Variants in ERI3 observed in about 807,000 individuals in gnomAD.
ERI3 encodes the protein ERI1 exoribonuclease 3.
ERI3 carries 18 observed loss-of-function variants against 44.4 expected under a neutral mutation model. The observed-to-expected ratio is 0.41, with a 90% confidence interval of 0.28 to 0.60. ERI3 has a LOEUF of 0.60. Ranked by LOEUF, ERI3 falls within the 20% of genes least tolerant of loss-of-function variation. The probability of loss-of-function intolerance (pLI) is 0.36; values close to 1 mark genes in which losing one functional copy is unlikely to be tolerated. For synonymous variants in ERI3, 183 were observed against 164.8 expected, an observed-to-expected ratio of 1.11 and a Z score of -0.84; for missense variants, 294 against 435.5, an observed-to-expected ratio of 0.68 and a Z score of 2.89.
intron 3 of ERI3, among the ~76,000 whole-genome samples, chr1:44,320,564 G>C (rs138283705): frequency 6.6e-6 from 1 of 152,228 alleles, no homozygotes; most frequent in African/African-American, 2.4e-5. Context: ...CCAGAGTGGG[G>C]AGAGGGCAGA....
intron 6 of ERI3, among the ~76,000 whole-genome samples, chr1:44,286,652 G>A (rs1271657048): frequency 6.6e-6 from 1 of 152,102 alleles, no homozygotes; most frequent in Non-Finnish European, 1.5e-5. Context: ...TCACACACAA[G>A]GACCTCACTT....
Position 44,221,233 on chromosome 1 carries a change from G to A in ERI3, c.*325C>T. On this transcript the variant is annotated 3_prime_UTR_variant, in exon 9 of 9. Coordinates refer to ENST00000372257, the MANE Select transcript of ERI3 (RefSeq NM_024066.3). The surrounding 1 kb of genome is among the most constrained non-coding windows in gnomAD (Gnocchi z 5.9). ...TGGGAGGGGGCACAGGAGGGGCTTGGTGGCCCCACAGAAGCCTGTGTACCA... is the reference window on the plus strand; with the variant it reads ...TGGGAGGGGGCACAGGAGGGGCTTGATGGCCCCACAGAAGCCTGTGTACCA... 2.6e-6 allele frequency: 1 copy of A among 380,864 alleles called. No homozygotes were observed. The highest frequency in any genetic ancestry group is 4.8e-6 in the Non-Finnish European group (1 of 206,450). The allele number at this position is 380,864 out of a possible 1,614,324, so 23.6% of individuals were successfully genotyped here.
chr1:44,323,829 C>T lies in ERI3; in HGVS notation c.490-4085G>A, dbSNP rs571856178. On this transcript the variant is annotated intron_variant, in intron 3 of 8. Coordinates refer to ENST00000372257, the MANE Select transcript of ERI3 (RefSeq NM_024066.3). Reference sequence around the variant, plus strand: ...CTTGTGAGGGACAGAGCTGGAACTCCAAAATGGGAAAATGAGAATGAGACT... The same window carrying T: ...CTTGTGAGGGACAGAGCTGGAACTCTAAAATGGGAAAATGAGAATGAGACT... Among the ~76,000 whole-genome samples the T allele has an allele frequency of 2.6e-5, 4 of 152,224 alleles. No homozygotes were observed. In the South Asian group the frequency reaches 8.3e-4, roughly 32 times the overall value.
At chr1:44,232,167 TACTA>T (rs1244856046) in intron 8 of ERI3, among the ~76,000 whole-genome samples, 7 of 152,268 alleles carry the variant, frequency 4.6e-5, no homozygotes, top group South Asian at 4.2e-4. Flanking sequence ...GCTGAAAGTA[TACTA>T]ACTGATACAG....
At chr1:44,286,870 T>C (rs1557820581) in intron 6 of ERI3, among the ~76,000 whole-genome samples, 1 of 152,192 alleles carries the variant, frequency 6.6e-6, no homozygotes, top group South Asian at 2.1e-4. Flanking sequence ...CCAAGCCACA[T>C]ATCCTTATCA....
chr1:44,338,429 C>T (rs1646578902), intron 3 of ERI3, among the ~76,000 whole-genome samples: 1 of 152,184 alleles, frequency 6.6e-6, no homozygotes, highest in South Asian at 2.1e-4. Flanking sequence ...AAGTTGGGCA[C>T]TGGATTTTGG....
intron 8 of ERI3, among the ~76,000 whole-genome samples, chr1:44,226,595 G>A (rs937224801): frequency 6.6e-6 from 1 of 152,002 alleles, no homozygotes; most frequent in African/African-American, 2.4e-5. Flanking sequence ...GTCCTTAATG[G>A]GGGGATTAGG....
rs538057400 is a variant in ERI3 at position 44,228,462 on chromosome 1, T to C, written c.932-6822A>G. Among the ~76,000 whole-genome samples, 15 of 152,230 alleles carry C rather than the reference T, an allele frequency of 9.9e-5. No individual in the cohort carries two copies. The highest frequency in any genetic ancestry group is 3.2e-3 in the Middle Eastern group (1 of 316). On this transcript the variant is annotated intron_variant, in intron 8 of 8. Coordinates refer to ENST00000372257, the MANE Select transcript of ERI3 (RefSeq NM_024066.3). This position sits in a 1 kb window ranked among gnomAD's most constrained non-coding sequence, Gnocchi z 4.3. ...AACTCACCATTACCATATTTTTAAA[T>C]ATTAGACTTAATTAGAGTTTATCAC...
At chr1:44,236,727 G>C (rs936378190) in intron 8 of ERI3, among the ~76,000 whole-genome samples, 2 of 152,134 alleles carry the variant, frequency 1.3e-5, no homozygotes, top group African/African-American at 4.8e-5. Context: ...GAGGCTGTGA[G>C]TCTGTGCCCA....
In ERI3 at chr1:44,354,881, G is replaced by GC; in HGVS notation, c.135+10dup. On this transcript the variant is annotated intron_variant, in intron 1 of 8. Transcript: ENST00000372257. ...GGCCCAATCTTGGCGGGGCCATTCA[G>GC]CATCACCCACCCCGGGGTGTTGCCC... The GC allele has an allele frequency of 7.6e-7, 1 of 1,315,902 alleles. No individual in the cohort carries two copies. Among genetic ancestry groups the GC allele is most frequent in the Non-Finnish European group, 9.8e-7 (1 of 1,023,634 alleles). The allele number at this position is 1,315,902 out of a possible 1,614,324, so 81.5% of individuals were successfully genotyped here.
intron 7 of ERI3, among the ~76,000 whole-genome samples, chr1:44,266,017 T>C (rs1644984428): frequency 6.6e-6 from 1 of 152,230 alleles, no homozygotes; most frequent in African/African-American, 2.4e-5. Flanking sequence ...AATTGTATGG[T>C]ATATAAATTA....
At chr1:44,289,157 G>A (rs1316327431) in intron 6 of ERI3, among the ~76,000 whole-genome samples, 3 of 152,198 alleles carry the variant, frequency 2.0e-5, no homozygotes, top group Admixed American at 6.5e-5. Flanking sequence ...CAATAGAAAA[G>A]AGCCAATTAT....
At chr1:44,308,545 C>T in intron 5 of ERI3, 144 bp from the exon 6 acceptor site, 1 of 726,864 alleles carries the variant, frequency 1.4e-6, no homozygotes, top group Non-Finnish European at 2.4e-6. Flanking sequence ...CCACTGTGGG[C>T]TCTCAGGCTT....
intron 5 of ERI3, among the ~76,000 whole-genome samples, chr1:44,310,951 T>TCGCGCGCGCGCGCGCGCGCG (rs141114785): frequency 4.2e-5 from 4 of 95,026 alleles, no homozygotes; most frequent in Admixed American, 9.8e-5. Flanking sequence ...TATGTGCACA[T>TCGCGCGCGCGCGCGCGCGCG]CGCGCGCGCG....
chr1:44,339,280 G>A lies in ERI3; in HGVS notation c.254C>T (p.Thr85Ile), dbSNP rs1485999594. 1 of 1,555,326 alleles carries A rather than the reference G, an allele frequency of 6.4e-7. No individual in the cohort carries two copies. Among genetic ancestry groups the A allele is most frequent in the Non-Finnish European group, 8.7e-7 (1 of 1,143,820 alleles). The change falls in exon 3 of 9, where the codon ACT becomes ATT. Residue 85 changes from threonine (T) to isoleucine (I), a missense_variant. This residue lies in a region of ERI3 where 187 missense variants were observed against 338.6 expected (regional missense o/e 0.55). Transcript: ENST00000372257. ...ATACGAAGAAAATCGAGCTGCTCCA[G>A]TCTGTAAAGGTGCTAGCATTGAACA... Reference protein sequence around the residue: ...SGCSMLAPLQTGAARFSSYLL... With the variant: ...SGCSMLAPLQIGAARFSSYLL...
intron 3 of ERI3, among the ~76,000 whole-genome samples, chr1:44,326,905 C>G (rs776068827): frequency 1.3e-5 from 2 of 152,132 alleles, no homozygotes; most frequent in African/African-American, 2.4e-5. Context: ...TTATTGAAAT[C>G]TGAATTTTTC....
intron 7 of ERI3, among the ~76,000 whole-genome samples, chr1:44,251,816 A>AG (rs1262013525): frequency 6.6e-6 from 1 of 152,182 alleles, no homozygotes; most frequent in Non-Finnish European, 1.5e-5. Flanking sequence ...CATGGCATCA[A>AG]GGGGCCTTGT....
rs112594081 is a variant in ERI3, at chr1:44,291,199, G to A, written c.759-6292C>T. 7.2e-5 allele frequency among the ~76,000 whole-genome samples: 11 copies of A among 152,288 alleles called. 1 individual carries two copies. Among genetic ancestry groups the A allele is most frequent in the African/African-American group, 2.6e-4 (11 of 41,560 alleles). ...GCTCTGAACTACCACATTGAGCGGA[G>A]GAGGGTAGAGAGAAGGCAGACTCAT... On this transcript the variant is annotated intron_variant, in intron 6 of 8. Transcript: ENST00000372257.
intron 8 of ERI3, among the ~76,000 whole-genome samples, chr1:44,233,497 G>C (rs867961863): frequency 6.6e-6 from 1 of 150,864 alleles, no homozygotes; most frequent in Non-Finnish European, 1.5e-5. Flanking sequence ...TCTGCCTCCC[G>C]GGTTCAAGCG....
Sources: gnomAD v4.1 joint callset for allele counts (sites outside exome capture counted in the v4.1 genomes callset) on GRCh38, gnomAD v4.1.1 for gene constraint, gnomAD v4.1.1 regional missense constraint, Gnocchi (gnomAD v3.1) non-coding constraint, MANE v1.5 for transcripts, NCBI Gene and HGNC (gene_info 2026-07-23, HGNC 2026-07-21) for gene names.